Variants in DMD observed in about 807,000 individuals in gnomAD.
The protein encoded by DMD is dystrophin, also known as mutant dystrophin.
In DMD, 63 loss-of-function variants were observed where a neutral mutation model predicts 330.1. The ratio of observed to expected loss-of-function variants is 0.19; its 90% CI spans 0.16 to 0.24. DMD has a LOEUF of 0.24. DMD is among the 10% of genes least tolerant of loss of function. The probability of loss-of-function intolerance (pLI) is 1.00; values close to 1 mark genes in which losing one functional copy is unlikely to be tolerated. For synonymous variants in DMD, 1,223 were observed against 959.8 expected (o/e 1.27, Z -5.07); for missense variants, 3,344 against 2,684.1 (o/e 1.25, Z -5.43).
At chrX:31,517,089 GTTTC>G (rs1370797726) in intron 55 of DMD, among the ~76,000 whole-genome samples, 19 of 111,365 alleles carry the variant, frequency 1.7e-4, no homozygotes, top group Admixed American at 2.9e-4. Flanking sequence ...GTTTTTCCTA[GTTTC>G]TTCTCATCCA....
At chrX:32,061,140 TAAAG>T (rs1383499375) in intron 44 of DMD, among the ~76,000 whole-genome samples, 1 of 110,938 alleles carries the variant, frequency 9.0e-6, no homozygotes, top group Non-Finnish European at 1.9e-5. Context: ...CAGGGCAGAG[TAAAG>T]AAAGATATAC....
chrX:32,200,502 C>T (rs2097030279), intron 44 of DMD, among the ~76,000 whole-genome samples: 1 of 110,815 alleles, frequency 9.0e-6, no homozygotes, highest in Non-Finnish European at 1.9e-5. Context: ...ATATGTGTTG[C>T]ATACATATGC....
At chrX:31,875,074 C>T (rs960151697) in intron 48 of DMD, 114 bp downstream of exon 48, 10 of 691,675 alleles carry the variant, frequency 1.4e-5, no homozygotes, top group African/African-American at 2.2e-5. Flanking sequence ...TCTTCCTTAC[C>T]ACACTTTAAC....
chrX:32,551,709 C>T (rs184018694), intron 16 of DMD, among the ~76,000 whole-genome samples: 135 of 111,062 alleles, frequency 1.2e-3, no homozygotes, highest in African/African-American at 4.2e-3. Flanking sequence ...TGTTTGCAGA[C>T]GATGAGGTTC....
At chrX:32,183,573 T>TAA (rs1557196674) in intron 44 of DMD, among the ~76,000 whole-genome samples, 12 of 26,753 alleles carry the variant, frequency 4.5e-4, no homozygotes, top group African/African-American at 7.4e-4. Context: ...TATATATAAA[T>TAA]ATATATATAT....
intron 1 of DMD, among the ~76,000 whole-genome samples, chrX:33,031,520 C>G (rs932617119): frequency 1.8e-5 from 2 of 111,071 alleles, no homozygotes; most frequent in Non-Finnish European, 3.8e-5. Context: ...TGTCTGTAAT[C>G]CCAGCACTTT....
chrX:33,066,477 G>GAAGGAAGT (rs2094662911), intron 1 of DMD, among the ~76,000 whole-genome samples: 1 of 100,123 alleles, frequency 1.0e-5, no homozygotes. Flanking sequence ...AGGAAGGAAG[G>GAAGGAAGT]AAAAAGAAAA....
At chrX:32,050,987 T>TTTTTTTTTTTTTC (rs1491256522) in intron 44 of DMD, among the ~76,000 whole-genome samples, 5 of 99,252 alleles carry the variant, frequency 5.0e-5, no homozygotes, top group African/African-American at 1.6e-4. Context: ...TTTTTTTTTT[T>TTTTTTTTTTTTTC]CCCCCTAATA....
intron 1 of DMD, among the ~76,000 whole-genome samples, chrX:33,264,837 G>C (rs1197630027): frequency 9.1e-6 from 1 of 110,378 alleles, no homozygotes; most frequent in African/African-American, 3.3e-5. Flanking sequence ...GAGAGATGCT[G>C]GACTATAAAC....
intron 4 of DMD, 129 bp downstream of exon 4, chrX:32,844,654 C>G (rs2080489634): frequency 5.3e-6 from 3 of 562,564 alleles, no homozygotes; most frequent in East Asian, 3.6e-5. Flanking sequence ...AACATGTGCT[C>G]TCAGTAAGAA....
intron 2 of DMD, among the ~76,000 whole-genome samples, chrX:32,946,085 T>G (rs746130514): frequency 8.9e-6 from 1 of 111,756 alleles, no homozygotes; most frequent in African/African-American, 3.2e-5. Context: ...TACTTAGTTG[T>G]TTGAAAGCAT....
At chrX:33,051,299 C>A (rs1603096147) in intron 1 of DMD, among the ~76,000 whole-genome samples, 1 of 107,009 alleles carries the variant, frequency 9.3e-6, no homozygotes, top group Non-Finnish European at 1.9e-5. Flanking sequence ...GCAACCTCCT[C>A]CTCCTGGGTC....
At chrX:31,748,565 G>C (rs1264707113) in intron 51 of DMD, among the ~76,000 whole-genome samples, 2 of 111,886 alleles carry the variant, frequency 1.8e-5, no homozygotes, top group Non-Finnish European at 3.8e-5. Flanking sequence ...ACTCTCCACT[G>C]CCTTACAATT....
intron 55 of DMD, among the ~76,000 whole-genome samples, chrX:31,555,931 G>A (rs965361499): frequency 5.4e-5 from 6 of 111,487 alleles, no homozygotes; most frequent in Non-Finnish European, 1.1e-4. Flanking sequence ...TGGTCTATGA[G>A]CCTTTCTGTT....
At chrX:31,196,077 A>G (rs2042854684) in intron 67 of DMD, among the ~76,000 whole-genome samples, 1 of 112,277 alleles carries the variant, frequency 8.9e-6, no homozygotes, top group Non-Finnish European at 1.9e-5. Context: ...CCACTTAAAC[A>G]GATCATCATA....
intron 46 of DMD, 34 bp downstream of exon 46, chrX:31,932,046 G>A: frequency 2.5e-6 from 3 of 1,200,466 alleles, no homozygotes; most frequent in South Asian, 1.8e-5. Context: ...CTTTATGCAA[G>A]CAGGCCCTGG....
chrX:31,375,614 G>T (rs1026643525), intron 60 of DMD, among the ~76,000 whole-genome samples: 10 of 111,644 alleles, frequency 9.0e-5, no homozygotes, highest in Non-Finnish European at 1.3e-4. Context: ...GTCCAAAAAG[G>T]AACAAATACT....
intron 1 of DMD, among the ~76,000 whole-genome samples, chrX:33,149,239 G>A (rs2048168651): frequency 9.0e-6 from 1 of 111,539 alleles, no homozygotes; most frequent in Admixed American, 9.6e-5. Context: ...ACGGGAGACA[G>A]TGACACATCA....
intron 48 of DMD, among the ~76,000 whole-genome samples, chrX:31,865,662 G>GTGCTCTACATC: frequency 3.4e-5 from 1 of 29,680 alleles, no homozygotes; most frequent in African/African-American, 2.1e-4. Context: ...CCTTACCCAC[G>GTGCTCTACATC]AAAGCGTGGA....
Sources: gnomAD v4.1 joint callset for allele counts (sites outside exome capture counted in the v4.1 genomes callset) on GRCh38, gnomAD v4.1.1 for gene constraint, MANE v1.5 for transcripts, NCBI Gene and HGNC (gene_info 2026-07-23, HGNC 2026-07-21) for gene names.